Variants in UNK observed in about 807,000 individuals in gnomAD.
UNK encodes RING finger protein unkempt homolog.
Under a neutral mutation model 97.6 loss-of-function variants are expected in UNK, and 32 were observed. That is an observed-to-expected ratio of 0.33 (90% CI 0.25 to 0.44). The LOEUF (loss-of-function observed/expected upper bound fraction) is 0.44. Among genes scored for constraint, UNK ranks in the 20% least tolerant of loss-of-function variants. The pLI is 1.00. For synonymous variants in UNK, 441 were observed against 461.2 expected (o/e 0.96, Z 0.56); for missense variants, 771 against 1,098.4 (o/e 0.70, Z 4.21).
rs1599376796 is a variant in UNK at position 75,808,280 on chromosome 17, C to G, written c.105-1480C>G. On this transcript the variant is annotated intron_variant, in intron 1 of 15. Coordinates refer to ENST00000589666, the MANE Select transcript of UNK (RefSeq NM_001080419.3). ...TAACCAGACAGTAAAGGAGAAGAAC[C>G]TTTGCTTCAAATGCCAAAGGGACCA... Among the ~76,000 whole-genome samples the G allele has an allele frequency of 3.3e-5, 5 of 152,288 alleles. No individual in the cohort carries two copies. The South Asian group carries it at 1.0e-3, about 32-fold the overall frequency.
At chr17:75,813,338 GC>G in intron 5 of UNK, 125 bp downstream of exon 5, 2 of 1,310,598 alleles carry the variant, frequency 1.5e-6, no homozygotes, top group Non-Finnish European at 1.0e-6. Flanking sequence ...AGGATCGCAA[GC>G]CCAGGGCCCA....
At position 75,802,242 on chromosome 17, in the gene UNK, CTTTTTTTTTTTTT is replaced by C. The variant is rs56221993; in HGVS notation, c.105-7496_105-7484del. ...TGATGGATTTTTTCAGCACAGATGT[CTTTTTTTTTTTTT>C]TTTTTTTTTTTTTTTTTTTTTGAGA... On this transcript the variant is annotated intron_variant, in intron 1 of 15. Coordinates refer to ENST00000589666, the MANE Select transcript of UNK (RefSeq NM_001080419.3). 2.5e-4 allele frequency among the ~76,000 whole-genome samples: 12 copies of C among 47,262 alleles called. No homozygotes were observed. The South Asian group carries it at 3.7e-3, about 15-fold the overall frequency. The allele number at this position is 47,262 out of a possible 152,430, so 31.0% of individuals were successfully genotyped here.
chr17:75,793,283 T>C (rs1330845554), intron 1 of UNK, among the ~76,000 whole-genome samples: 1 of 152,182 alleles, frequency 6.6e-6, no homozygotes, highest in African/African-American at 2.4e-5. Flanking sequence ...ATCGTGAGTG[T>C]TTTAAGGTTT....
chr17:75,785,000 C>T lies in UNK; in HGVS notation c.104+16C>T, dbSNP rs773616062. 6.4e-6 allele frequency: 9 copies of T among 1,397,100 alleles called. No individual in the cohort carries two copies. The highest frequency in any genetic ancestry group is 8.4e-6 in the Non-Finnish European group (9 of 1,071,266). 86.5% of individuals were successfully genotyped at this position (1,397,100 alleles called of 1,614,324 possible). A position where few individuals can be genotyped will look rare whatever the true frequency, so the allele number is the denominator to read the frequency against. ...AGCACTACACGTACGTAGAGCCCCC[C>T]CCCCCCCGCCGCGCGCGCACGCCTG... On this transcript the variant is annotated intron_variant, in intron 1 of 15. Transcript: ENST00000589666.
Position 75,817,336 on chromosome 17 carries a change from G to C in UNK, c.1115G>C (p.Arg372Thr), listed in dbSNP as rs1383525856. 1 of 1,587,668 alleles carries C rather than the reference G, an allele frequency of 6.3e-7. No homozygotes were observed. Among genetic ancestry groups the C allele is most frequent in the East Asian group, 2.3e-5 (1 of 44,370 alleles). The change falls in exon 9 of 16, where the codon AGA becomes ACA. Residue 372 changes from arginine to threonine, a missense_variant. Arg to Thr is a moderately conservative substitution (Grantham distance 71). This residue lies in a region of UNK where 192 missense variants were observed against 202.4 expected (regional missense o/e 0.95). Coordinates refer to ENST00000589666, the MANE Select transcript of UNK (RefSeq NM_001080419.3). This position sits in a 1 kb window ranked among gnomAD's most constrained non-coding sequence, Gnocchi z 5.8. ...CCTCCTTCTCCGCAGCTCCTCTGTA[G>C]AAACAGCAGCCTAGGCAGCCCGTCT... is the stretch of plus-strand genomic sequence containing the variant. ...HAPDLSALLC[R>T]NSSLGSPSNL...
chr17:75,805,052 G>A lies in UNK; in HGVS notation c.105-4708G>A, dbSNP rs868140658. 2.7e-5 allele frequency among the ~76,000 whole-genome samples: 4 copies of A among 150,910 alleles called. No homozygotes were observed. In the Middle Eastern group the frequency reaches 0.011, roughly 399 times the overall value. ...AAAAATTAGCCGGGCGTGGTGGCAG[G>A]CGCCTGTAATCCCAGCTACTTGGGA... is the stretch of plus-strand genomic sequence containing the variant. On this transcript the variant is annotated intron_variant, in intron 1 of 15. Coordinates refer to ENST00000589666, the MANE Select transcript of UNK (RefSeq NM_001080419.3).
intron 1 of UNK, among the ~76,000 whole-genome samples, chr17:75,788,963 C>G (rs758659027): frequency 1.6e-4 from 25 of 152,218 alleles, no homozygotes; most frequent in Non-Finnish European, 3.4e-4. Context: ...CAGTTGAATA[C>G]ACTAAAAGCA....
rs746738349 is a variant in UNK at position 75,819,827 on chromosome 17, G to C, written c.1648+42G>C. On this transcript the variant is annotated intron_variant, in intron 12 of 15. Coordinates refer to ENST00000589666, the MANE Select transcript of UNK (RefSeq NM_001080419.3). This position sits in a 1 kb window ranked among gnomAD's most constrained non-coding sequence, Gnocchi z 5.4. ...GGCAGGGCAGCCTGGAGGACTCCTCGGGTTCCTGCCTGGCTCAGGCCCCTT... is the reference window on the plus strand; with the variant it reads ...GGCAGGGCAGCCTGGAGGACTCCTCCGGTTCCTGCCTGGCTCAGGCCCCTT... The C allele has an allele frequency of 6.2e-7, 1 of 1,611,906 alleles. No homozygotes were observed. The highest frequency in any genetic ancestry group is 8.5e-7 in the Non-Finnish European group (1 of 1,178,882).
intron 1 of UNK, chr17:75,794,334 T>A (rs1486821640): frequency 3.0e-6 from 1 of 333,426 alleles, no homozygotes; most frequent in Non-Finnish European, 4.3e-6. Flanking sequence ...TTCCTTTAGC[T>A]CAGTTAAGAA....
intron 1 of UNK, among the ~76,000 whole-genome samples, chr17:75,789,520 T>G (rs2061743977): frequency 6.6e-6 from 1 of 152,014 alleles, no homozygotes; most frequent in Non-Finnish European, 1.5e-5. Flanking sequence ...GTATTTTTAG[T>G]AGAGATGGGG....
In UNK at chr17:75,820,033, C is replaced by T; in HGVS notation, c.1762C>T (p.Leu588=). ...TCCCGTCAGCCTCTCCTCGCATTTC[C>T]TGCAGCAGCCCCAGGGCCACCTGAG... ...SPPVSLSSHF[L]QQPQGHLSQS... Residue 588 remains leucine, a synonymous_variant, in exon 13 of 16, where the codon CTG becomes TTG. Transcript: ENST00000589666. 1 of 1,613,916 alleles carries T rather than the reference C, an allele frequency of 6.2e-7. No homozygotes were observed. Among genetic ancestry groups the T allele is most frequent in the Non-Finnish European group, 8.5e-7 (1 of 1,179,886 alleles).
intron 13 of UNK, 116 bp from the exon 14 acceptor site, chr17:75,822,360 TG>T: frequency 1.6e-6 from 2 of 1,269,340 alleles, no homozygotes; most frequent in Non-Finnish European, 2.2e-6. Context: ...TGACACTAGC[TG>T]GAGCCTTGCA....
chr17:75,796,736 G>A (rs1411263196), intron 1 of UNK, among the ~76,000 whole-genome samples: 1 of 152,238 alleles, frequency 6.6e-6, no homozygotes, highest in African/African-American at 2.4e-5. Context: ...AATATGGAAT[G>A]TAGAACTGAT....
chr17:75,815,413 C>T (rs554425193), intron 7 of UNK, among the ~76,000 whole-genome samples, 160 bp downstream of exon 7: 41 of 152,252 alleles, frequency 2.7e-4, no homozygotes, highest in Non-Finnish European at 5.4e-4. Context: ...TCCATTCCCC[C>T]ACCTTTCTGG....
At position 75,817,294 on chromosome 17, in the gene UNK, A is replaced by T. The variant is rs368172591; in HGVS notation, c.1105-32A>T. On this transcript the variant is annotated intron_variant, in intron 8 of 15. Coordinates refer to ENST00000589666, the MANE Select transcript of UNK (RefSeq NM_001080419.3). This position sits in a 1 kb window ranked among gnomAD's most constrained non-coding sequence, Gnocchi z 5.8. ...CCACGCACCAGCCTGCGCTGTGCCC[A>T]CGGGCCCACTCCCTCCCCTCCTTCT... is the stretch of plus-strand genomic sequence containing the variant. 6.1e-5 allele frequency: 93 copies of T among 1,535,800 alleles called. No individual in the cohort carries two copies. Among genetic ancestry groups the T allele is most frequent in the Non-Finnish European group, 7.9e-5 (90 of 1,139,986 alleles).
intron 1 of UNK, among the ~76,000 whole-genome samples, chr17:75,787,332 C>T (rs2061721765): frequency 6.6e-6 from 1 of 152,084 alleles, no homozygotes; most frequent in South Asian, 2.1e-4. Context: ...CCACCTCAGT[C>T]TCCTGAGTAG....
At position 75,822,739 on chromosome 17, in the gene UNK, G is replaced by A. The variant is rs1034692231; in HGVS notation, c.2019+81G>A. The A allele has an allele frequency of 4.2e-6, 6 of 1,416,582 alleles. No homozygotes were observed. The Admixed American group carries it at 1.8e-4, about 42-fold the overall frequency. The allele number at this position is 1,416,582 out of a possible 1,614,324, so 87.8% of individuals were successfully genotyped here. On this transcript the variant is annotated intron_variant, in intron 14 of 15. Transcript: ENST00000589666. ...GACCTTCCTTCACAGAGTGGGCGTG[G>A]GGTGGGGGAAAGCGGGGGCTGGAAG...
intron 1 of UNK, chr17:75,793,294 A>T: frequency 2.1e-6 from 1 of 473,610 alleles, no homozygotes; most frequent in Non-Finnish European, 2.8e-6. Context: ...TTTAAGGTTT[A>T]CATGGGCATT....
At position 75,812,210 on chromosome 17, in the gene UNK, G is replaced by A; in HGVS notation, c.413G>A (p.Gly138Asp). 6.2e-7 allele frequency: 1 copy of A among 1,614,006 alleles called. No individual in the cohort carries two copies. The highest frequency in any genetic ancestry group is 8.5e-7 in the Non-Finnish European group (1 of 1,179,896). ...TGCATCCACGAGACAGACTCGAAAGGCAACTGCACCAAAAACGGCCTGCAC... is the reference window on the plus strand; with the variant it reads ...TGCATCCACGAGACAGACTCGAAAGACAACTGCACCAAAAACGGCCTGCAC... ...GICIHETDSK[G>D]NCTKNGLHCA... The change falls in exon 3 of 16, where the codon GGC (glycine) becomes GAC (aspartate). Residue 138 changes from glycine to aspartate, a missense_variant. Around this residue, in one of 5 missense-constraint regions of UNK, gnomAD observed 246 missense variants for 440.7 expected, o/e 0.56. Coordinates refer to ENST00000589666, the MANE Select transcript of UNK (RefSeq NM_001080419.3).
Sources: gnomAD v4.1 joint callset for allele counts (sites outside exome capture counted in the v4.1 genomes callset) on GRCh38, gnomAD v4.1.1 for gene constraint, gnomAD v4.1.1 regional missense constraint, Gnocchi (gnomAD v3.1) non-coding constraint, MANE v1.5 for transcripts, NCBI Gene and HGNC (gene_info 2026-07-23, HGNC 2026-07-21) for gene names.